Variants in PIF1 observed in about 807,000 individuals in gnomAD.
PIF1 encodes the protein ATP-dependent DNA helicase PIF1.
PIF1 carries 67 observed loss-of-function variants against 62.3 expected under a neutral mutation model. That is an observed-to-expected ratio of 1.08 (90% CI 0.88 to 1.32). PIF1 has a LOEUF of 1.32. Ranked by LOEUF, PIF1 falls within the 40% of genes most tolerant of loss-of-function variation. The pLI, the probability that PIF1 is intolerant of heterozygous loss-of-function variation, is 0.00. For missense variants in PIF1, 886 were observed against 866.1 expected (o/e 1.02, Z -0.29); for synonymous variants, 364 against 379.5 (o/e 0.96, Z 0.47).
chr15:64,815,985 G>A lies in PIF1; in HGVS notation c.*313C>T. On this transcript the variant is annotated 3_prime_UTR_variant, in exon 13 of 13. Transcript: ENST00000559239. ...GATGTTCAGGACTCTGCAGCTCTGT[G>A]TCCAGCCCTTGCAGAGAGCTTTGTC... The A allele has an allele frequency of 2.0e-6, 3 of 1,521,828 alleles. No homozygotes were observed. The highest frequency in any genetic ancestry group is 1.4e-5 in the African/African-American group (1 of 72,174). The allele number at this position is 1,521,828 out of a possible 1,614,324, so 94.3% of individuals were successfully genotyped here.
chr15:64,818,550 A>T lies in PIF1; in HGVS notation c.1441-206T>A, dbSNP rs1035086740. On this transcript the variant is annotated intron_variant, in intron 9 of 12. Transcript: ENST00000559239. The stretch of plus-strand genomic sequence containing the variant: ...CCAATTTTTCTTTATGTCAAAGAGG[A>T]ATAATATTTGCTCAATTTGCCCCAG... 3.9e-5 allele frequency: 22 copies of T among 570,994 alleles called. No individual in the cohort carries two copies. The South Asian group carries it at 4.4e-4, about 11-fold the overall frequency. 35.4% of individuals were successfully genotyped at this position (570,994 alleles called of 1,614,324 possible).
At chr15:64,824,994 T>TAC (rs200115381) in intron 1 of PIF1, among the ~76,000 whole-genome samples, 5,897 of 130,854 alleles carry the variant, frequency 0.045, 162 homozygotes, top group Non-Finnish European at 0.067. Flanking sequence ...AATTTCTATA[T>TAC]ATATACACAC....
In PIF1 at chr15:64,822,341, T is replaced by TG. The variant is rs769480608; in HGVS notation, c.741dup (p.Thr248HisfsTer59). 43 of 1,613,914 alleles carry TG rather than the reference T, an allele frequency of 2.7e-5. No homozygotes were observed. In the African/African-American group the frequency reaches 4.7e-4, roughly 18 times the overall value. On this transcript the variant is annotated frameshift_variant, in exon 4 of 13. Coordinates refer to ENST00000559239, the MANE Select transcript of PIF1 (RefSeq NM_001286496.2). LOFTEE classifies it high-confidence loss of function. Reference sequence around the variant, plus strand: ...GTGCTGGCAGTGGCCACAGTGCCTGTGGGGGGCAGTGAGCCCAGGATTCGC... The same window carrying TG: ...GTGCTGGCAGTGGCCACAGTGCCTGTGGGGGGGCAGTGAGCCCAGGATTCGC...
At position 64,819,097 on chromosome 15, in the gene PIF1, A is replaced by G; in HGVS notation, c.1440+20T>C. The G allele has an allele frequency of 6.4e-7, 1 of 1,556,250 alleles. No individual in the cohort carries two copies. The highest frequency in any genetic ancestry group is 1.2e-5 in the South Asian group (1 of 82,884). ...GGGACAGCCCAAGCTCCCAGGGGCT[A>G]GGCCCTGCTTCCCACTCACCTGGGC... is the stretch of plus-strand genomic sequence containing the variant. On this transcript the variant is annotated intron_variant, in intron 9 of 12. Coordinates refer to ENST00000559239, the MANE Select transcript of PIF1 (RefSeq NM_001286496.2).
chr15:64,816,099 G>A lies in PIF1; in HGVS notation c.*199C>T, dbSNP rs2084176485. The A allele has an allele frequency of 1.9e-5, 27 of 1,452,616 alleles. 1 individual carries two copies. The South Asian group carries it at 3.8e-4, about 20-fold the overall frequency. 90.0% of individuals were successfully genotyped at this position (1,452,616 alleles called of 1,614,324 possible). Reference sequence around the variant, plus strand: ...TACAGCAGCTTACCCAGGGCAAAGTGAGAGAAACTGAAGCACAGCTGGTAT... The same window carrying A: ...TACAGCAGCTTACCCAGGGCAAAGTAAGAGAAACTGAAGCACAGCTGGTAT... On this transcript the variant is annotated 3_prime_UTR_variant, in exon 13 of 13. Coordinates refer to ENST00000559239, the MANE Select transcript of PIF1 (RefSeq NM_001286496.2).
At position 64,818,191 on chromosome 15, in the gene PIF1, C is replaced by T. The variant is rs908386469; in HGVS notation, c.1528+66G>A. 32 of 1,610,886 alleles carry T rather than the reference C, an allele frequency of 2.0e-5. No individual in the cohort carries two copies. In the African/African-American group the frequency reaches 3.3e-4, roughly 17 times the overall value. On this transcript the variant is annotated intron_variant, in intron 10 of 12. Transcript: ENST00000559239. ...CTTTCCTTCCTAGTCTTTTTCTCCC[C>T]CCACCATTCCCGGGGCCATGCTGCA...
At chr15:64,820,553 C>G (rs562141358) in intron 7 of PIF1, among the ~76,000 whole-genome samples, 4 of 152,178 alleles carry the variant, frequency 2.6e-5, no homozygotes, top group African/African-American at 9.7e-5. Flanking sequence ...CGTGCCACCA[C>G]GCCCAGCTAA....
upstream of PIF1, among the ~76,000 whole-genome samples, chr15:64,826,669 C>CATATACATAT (rs111251424): frequency 0.046 from 3,481 of 75,388 alleles, 352 homozygotes; most frequent in Middle Eastern, 0.077. Flanking sequence ...TATATATACA[C>CATATACATAT]ACACACACAC....
In PIF1 at chr15:64,824,006, TG is replaced by T. The variant is rs1209314898; in HGVS notation, c.329del (p.Pro110GlnfsTer63). On this transcript the variant is annotated frameshift_variant, in exon 2 of 13. Transcript: ENST00000559239. LOFTEE classifies it high-confidence loss of function. ...AVQLLLSDCP[P>X]DRLRRFLRTL... ...TGCGCAGGAAGCGGCGCAGGCGGTCTGGGGGGCAGTCCGAGAGCAGCAGCTG... is the reference window on the plus strand; with the variant it reads ...TGCGCAGGAAGCGGCGCAGGCGGTCTGGGGGCAGTCCGAGAGCAGCAGCTG... 9 of 1,297,412 alleles carry T rather than the reference TG, an allele frequency of 6.9e-6. No individual in the cohort carries two copies. The highest frequency in any genetic ancestry group is 6.9e-5 in the South Asian group (3 of 43,342). 80.4% of individuals were successfully genotyped at this position (1,297,412 alleles called of 1,614,324 possible). A position where few individuals can be genotyped will look rare whatever the true frequency, so the allele number is the denominator to read the frequency against.
At chr15:64,820,786 C>G (rs991817362) in intron 7 of PIF1, among the ~76,000 whole-genome samples, 196 bp downstream of exon 7, 3 of 152,148 alleles carry the variant, frequency 2.0e-5, no homozygotes, top group Admixed American at 6.5e-5. Context: ...CAACCATCTC[C>G]TATGGTGCCA....
Position 64,821,045 on chromosome 15 carries a change from G to A in PIF1, c.1130C>T (p.Thr377Ile), listed in dbSNP as rs2084278643. ...KRCVPVTLEL[T>I]KVWRQADQTF... ...CTGGTCTGCCTGCCTCCACACCTTG[G>A]TCAGCTCCAGGGTCACTGGCACACA... is the stretch of plus-strand genomic sequence containing the variant. The change falls in exon 7 of 13, where the codon ACC (threonine) becomes ATC (isoleucine). Residue 377 changes from threonine to isoleucine, a missense_variant. Transcript: ENST00000559239. 6.2e-7 allele frequency: 1 copy of A among 1,613,972 alleles called. No homozygotes were observed. Among genetic ancestry groups the A allele is most frequent in the African/African-American group, 1.3e-5 (1 of 74,882 alleles).
intron 10 of PIF1, 59 bp downstream of exon 10, chr15:64,818,198 T>C: frequency 6.2e-7 from 1 of 1,608,746 alleles, no homozygotes; most frequent in East Asian, 2.2e-5. Context: ...CCCCCCACCA[T>C]TCCCGGGGCC....
intron 8 of PIF1, among the ~76,000 whole-genome samples, chr15:64,819,638 G>A (rs2084254661): frequency 6.6e-6 from 1 of 152,196 alleles, no homozygotes. Context: ...CCAGAGCACG[G>A]GGGTAGGGAG....
intron 1 of PIF1, among the ~76,000 whole-genome samples, chr15:64,825,069 A>G (rs1399741772): frequency 2.0e-5 from 3 of 151,606 alleles, no homozygotes; most frequent in Admixed American, 2.0e-4. Context: ...GCGGATGGGC[A>G]CCGAGGATTA....
At chr15:64,816,400 T>C in intron 12 of PIF1, 43 bp from the exon 13 acceptor site, 1 of 1,611,608 alleles carries the variant, frequency 6.2e-7, no homozygotes, top group Non-Finnish European at 8.5e-7. Flanking sequence ...TTTGTGCTGT[T>C]CCCCAGGACC....
rs367918701 is a variant in PIF1 at position 64,816,635 on chromosome 15, C to T, written c.1805G>A (p.Arg602His). The change falls in exon 12 of 13, where the codon CGC becomes CAC. Residue 602 changes from arginine (R) to histidine (H), a missense_variant. Coordinates refer to ENST00000559239, the MANE Select transcript of PIF1 (RefSeq NM_001286496.2). ...GAAGTGCAGCACACGGGGGTCACAG[C>T]GAACCGCCATGGGGTCAAAGTCCAG... is the stretch of plus-strand genomic sequence containing the variant. ...RVLDFDPMAV[R>H]CDPRVLHFYA... The T allele has an allele frequency of 4.3e-6, 7 of 1,613,930 alleles. No homozygotes were observed. The highest frequency in any genetic ancestry group is 5.9e-6 in the Non-Finnish European group (7 of 1,180,022).
chr15:64,823,829 A>G lies in PIF1; in HGVS notation c.507T>C (p.Thr169=). 1 of 1,366,754 alleles carries G rather than the reference A, an allele frequency of 7.3e-7. No homozygotes were observed. 84.7% of individuals were successfully genotyped at this position (1,366,754 alleles called of 1,614,324 possible). ...GCTCCACAGGCCGCTTCACCAGCGTAGTGTCCGGAACCCGGGTGGCCGCCC... is the reference window on the plus strand; with the variant it reads ...GCTCCACAGGCCGCTTCACCAGCGTGGTGTCCGGAACCCGGGTGGCCGCCC... ...RLRAATRVPD[T]TLVKRPVEPQ... Residue 169 remains threonine, a synonymous_variant, in exon 2 of 13, where the codon ACT becomes ACC. Coordinates refer to ENST00000559239, the MANE Select transcript of PIF1 (RefSeq NM_001286496.2).
At position 64,819,197 on chromosome 15, in the gene PIF1, C is replaced by G; in HGVS notation, c.1360G>C (p.Asp454His). The change falls in exon 9 of 13, where the codon GAC becomes CAC. Residue 454 changes from aspartate to histidine, a missense_variant. Coordinates refer to ENST00000559239, the MANE Select transcript of PIF1 (RefSeq NM_001286496.2). ...GTACTGGCCAGCTCAGGGTTGCTGTCCATAGCCTCAAATCTGTGTACCTTA... is the reference window on the plus strand; with the variant it reads ...GTACTGGCCAGCTCAGGGTTGCTGTGCATAGCCTCAAATCTGTGTACCTTA... The part of the protein sequence containing the change: ...PGKVHRFEAM[D>H]SNPELASTLD... The G allele has an allele frequency of 6.2e-7, 1 of 1,605,176 alleles. No homozygotes were observed. The highest frequency in any genetic ancestry group is 8.5e-7 in the Non-Finnish European group (1 of 1,177,222).
intron 7 of PIF1, among the ~76,000 whole-genome samples, chr15:64,820,482 T>G (rs1198068679): frequency 1.3e-5 from 2 of 152,204 alleles, no homozygotes; most frequent in Admixed American, 6.5e-5. Context: ...CTGCAACCTC[T>G]GCCTCCCTGG....
Sources: gnomAD v4.1 joint callset for allele counts (sites outside exome capture counted in the v4.1 genomes callset) on GRCh38, gnomAD v4.1.1 for gene constraint, MANE v1.5 for transcripts, NCBI Gene and HGNC (gene_info 2026-07-23, HGNC 2026-07-21) for gene names.